MYH11: variants seen among roughly 807,000 people sequenced by gnomAD.
MYH11 encodes the protein myosin-11.
In MYH11, 80 loss-of-function variants were observed where a neutral mutation model predicts 246.6. The ratio of observed to expected loss-of-function variants is 0.32; its 90% CI spans 0.27 to 0.39. The LOEUF (loss-of-function observed/expected upper bound fraction) is 0.39, where lower values mean the gene tolerates loss of function less well. MYH11 is among the 10% of genes least tolerant of loss of function. The pLI is 1.00. For missense variants in MYH11, 2,158 were observed against 2,546.8 expected (o/e 0.85, Z 3.29); for synonymous variants, 1,071 against 1,015.5 (o/e 1.05, Z -1.04).
rs1309068172 is a variant in MYH11 at position 15,726,949 on chromosome 16, T to C, written c.3757A>G (p.Lys1253Glu). ...ACCTGCGCCTCCAGCTTCTTCTTCTTATGTTCCACCTCCTGCTTGGCCTGG... is the reference window on the plus strand; with the variant it reads ...ACCTGCGCCTCCAGCTTCTTCTTCTCATGTTCCACCTCCTGCTTGGCCTGG... ...LGQAKQEVEH[K>E]KKKLEAQVQE... The change falls in exon 28 of 41, where the codon AAG becomes GAG. Residue 1253 changes from lysine (K) to glutamate (E), a missense_variant. Coordinates refer to ENST00000300036, the MANE Select transcript of MYH11 (RefSeq NM_002474.3). 2 of 1,613,450 alleles carry C rather than the reference T, an allele frequency of 1.2e-6. No homozygotes were observed. The highest frequency in any genetic ancestry group is 1.7e-6 in the Non-Finnish European group (2 of 1,179,994).
intron 8 of MYH11, among the ~76,000 whole-genome samples, chr16:15,773,489 T>A (rs2042152976): frequency 6.6e-6 from 1 of 152,064 alleles, no homozygotes; most frequent in Non-Finnish European, 1.5e-5. Context: ...TTTCATCATG[T>A]TGGCTAGTCT....
intron 40 of MYH11, among the ~76,000 whole-genome samples, 188 bp from the exon 41 acceptor site, chr16:15,704,311 C>A (rs1478923321): frequency 6.6e-6 from 1 of 152,040 alleles, no homozygotes; most frequent in Non-Finnish European, 1.5e-5. Context: ...CATTGCCAGT[C>A]TTAAGGCATG....
intron 6 of MYH11, chr16:15,779,194 A>G: frequency 2.6e-6 from 1 of 389,780 alleles, no homozygotes; most frequent in Non-Finnish European, 4.9e-6. Flanking sequence ...CAGTGGTGCA[A>G]TCACAGCTCA....
At chr16:15,747,220 G>A (rs972857862) in intron 19 of MYH11, among the ~76,000 whole-genome samples, 4 of 152,098 alleles carry the variant, frequency 2.6e-5, no homozygotes, top group African/African-American at 9.7e-5. Flanking sequence ...CTCGTCATGC[G>A]TTATCTTAGT....
intron 7 of MYH11, among the ~76,000 whole-genome samples, chr16:15,777,160 T>C (rs2151297296): frequency 6.6e-6 from 1 of 152,102 alleles, no homozygotes; most frequent in Middle Eastern, 3.4e-3. Context: ...TCTCGCTCTG[T>C]CACCCAGGCT....
chr16:15,750,978 A>T lies in MYH11; in HGVS notation c.1865-647T>A, dbSNP rs1217846885. 6.6e-6 allele frequency among the ~76,000 whole-genome samples: 1 copy of T among 152,060 alleles called. No homozygotes were observed. The highest frequency in any genetic ancestry group is 1.5e-5 in the Non-Finnish European group (1 of 68,006). Reference sequence around the variant, plus strand: ...AGACAAGGAGGTGGTGGGCTCTGCTAAGTTGATATTTGAGCAGAAACCAGC... The same window carrying T: ...AGACAAGGAGGTGGTGGGCTCTGCTTAGTTGATATTTGAGCAGAAACCAGC... On this transcript the variant is annotated intron_variant, in intron 15 of 40. Coordinates refer to ENST00000300036, the MANE Select transcript of MYH11 (RefSeq NM_002474.3). The surrounding 1 kb of genome is among the most constrained non-coding windows in gnomAD (Gnocchi z 4.3).
chr16:15,819,385 G>C (rs2043344920), intron 3 of MYH11, among the ~76,000 whole-genome samples: 1 of 152,204 alleles, frequency 6.6e-6, no homozygotes, highest in Non-Finnish European at 1.5e-5. Flanking sequence ...GTACTGCACA[G>C]CAGGAGGTGA....
chr16:15,798,608 TAAAAAAAAAAA>T (rs374559754), intron 4 of MYH11, 41 bp downstream of exon 4: 3 of 1,037,372 alleles, frequency 2.9e-6, no homozygotes, highest in Non-Finnish European at 3.8e-6. Context: ...GACTACAGAT[TAAAAAAAAAAA>T]AAAACAAAAA....
chr16:15,776,895 G>A (rs2042233538), intron 7 of MYH11, among the ~76,000 whole-genome samples: 1 of 152,146 alleles, frequency 6.6e-6, no homozygotes, highest in Non-Finnish European at 1.5e-5. Flanking sequence ...ATGGGAGAGG[G>A]CAGCTGGGAG....
intron 2 of MYH11, among the ~76,000 whole-genome samples, chr16:15,830,330 G>A (rs969641177): frequency 6.6e-5 from 10 of 152,196 alleles, no homozygotes; most frequent in African/African-American, 2.2e-4. Flanking sequence ...CCAAGCACGT[G>A]CTTTTGCTGC....
intron 11 of MYH11, among the ~76,000 whole-genome samples, chr16:15,759,935 A>C (rs949640993): frequency 1.3e-5 from 2 of 152,162 alleles, no homozygotes; most frequent in African/African-American, 4.8e-5. Context: ...CTTCTCTACT[A>C]AAAATACAAA....
At chr16:15,799,154 A>G (rs188312814) in intron 3 of MYH11, among the ~76,000 whole-genome samples, 18 of 152,228 alleles carry the variant, frequency 1.2e-4, no homozygotes, top group African/African-American at 4.1e-4. Flanking sequence ...TAAATCCAGC[A>G]TCCATTTCCT....
rs938891794 is a variant in MYH11 at position 15,737,435 on chromosome 16, G to T, written c.3293+14C>A. The T allele has an allele frequency of 3.1e-6, 5 of 1,610,090 alleles. No individual in the cohort carries two copies. The highest frequency in any genetic ancestry group is 4.2e-6 in the Non-Finnish European group (5 of 1,180,014). ...CATGGACACACAGCAAATGCCCCTTGCCAGCCCCGCTACCTGGCCAGGGCC... is the reference window on the plus strand; with the variant it reads ...CATGGACACACAGCAAATGCCCCTTTCCAGCCCCGCTACCTGGCCAGGGCC... On this transcript the variant is annotated intron_variant, in intron 25 of 40. Coordinates refer to ENST00000300036, the MANE Select transcript of MYH11 (RefSeq NM_002474.3).
chr16:15,786,526 G>T, intron 5 of MYH11, 104 bp downstream of exon 5: 1 of 1,113,422 alleles, frequency 9.0e-7, no homozygotes, highest in South Asian at 1.2e-5. Flanking sequence ...GTAGTCAGAT[G>T]GGGCCTGAGT....
chr16:15,716,523 T>G (rs2040154603), intron 38 of MYH11, among the ~76,000 whole-genome samples: 1 of 151,814 alleles, frequency 6.6e-6, no homozygotes, highest in South Asian at 2.1e-4. Context: ...GGGTTTTTTT[T>G]GTGTGTGTGT....
chr16:15,786,445 C>T (rs2042470341), intron 5 of MYH11, 185 bp downstream of exon 5: 1 of 777,296 alleles, frequency 1.3e-6, no homozygotes, highest in Middle Eastern at 2.3e-4. Flanking sequence ...CTAGCTGAGC[C>T]AAGAAATCAC....
chr16:15,757,910 C>T lies in MYH11; in HGVS notation c.1492G>A (p.Glu498Lys), dbSNP rs2041772545. ...NHTMFILEQE[E>K]YQREGIEWNF... is the part of the protein sequence containing the mutation. Reference sequence around the variant, plus strand: ...CACTCGATGCCCTCGCGCTGGTACTCCTCCTGCTCCAGGATGAACATGGTG... The same window carrying T: ...CACTCGATGCCCTCGCGCTGGTACTTCTCCTGCTCCAGGATGAACATGGTG... Residue 498 changes from glutamate (E) to lysine (K), a missense_variant, in exon 13 of 41, where the codon GAG becomes AAG. Coordinates refer to ENST00000300036, the MANE Select transcript of MYH11 (RefSeq NM_002474.3). The T allele has an allele frequency of 6.2e-7, 1 of 1,614,226 alleles. No homozygotes were observed. The highest frequency in any genetic ancestry group is 8.5e-7 in the Non-Finnish European group (1 of 1,180,034).
In MYH11 at chr16:15,838,219, T is replaced by C. The variant is rs2043957775; in HGVS notation, c.34A>G (p.Lys12Glu). ...AAGTTTTTGTCCACAAAGAGGAACT[T>C]CTCATCGTCACTGAGTTGGCCCTTC... ...AQKGQLSDDE[K>E]FLFVDKNFIN... The change falls in exon 2 of 41, where the codon AAG (lysine) becomes GAG (glutamate). Residue 12 changes from lysine to glutamate, a missense_variant. Around this residue, in one of 11 missense-constraint regions of MYH11, gnomAD observed 96 missense variants for 91.9 expected, o/e 1.04. Coordinates refer to ENST00000300036, the MANE Select transcript of MYH11 (RefSeq NM_002474.3). 6.2e-7 allele frequency: 1 copy of C among 1,614,074 alleles called. No homozygotes were observed. The highest frequency in any genetic ancestry group is 8.5e-7 in the Non-Finnish European group (1 of 1,179,994).
chr16:15,710,396 C>G (rs1296005574), intron 40 of MYH11, among the ~76,000 whole-genome samples: 1 of 152,180 alleles, frequency 6.6e-6, no homozygotes, highest in East Asian at 1.9e-4. Context: ...TGGCACGCAC[C>G]TGTAATCTCA....
Sources: allele counts gnomAD v4.1 joint callset (sites outside exome capture counted in the v4.1 genomes callset), GRCh38; gene constraint gnomAD v4.1.1; regional missense constraint gnomAD v4.1.1; non-coding constraint Gnocchi (gnomAD v3.1); transcripts MANE v1.5; gene names NCBI Gene and HGNC (gene_info 2026-07-23, HGNC 2026-07-21).